Variants in INPP4A observed in about 807,000 individuals in gnomAD.
INPP4A encodes inositol polyphosphate-4-phosphatase type I A, also known as inositol polyphosphate-4-phosphatase, type I, 107kD.
A neutral mutation model predicts 119.8 loss-of-function variants in INPP4A; 33 were observed. The observed-to-expected ratio is 0.28, with a 90% confidence interval of 0.21 to 0.37. INPP4A has a LOEUF of 0.37. Among genes scored for constraint, INPP4A ranks in the 10% least tolerant of loss-of-function variants. The pLI, the probability that INPP4A is intolerant of heterozygous loss-of-function variation, is 1.00. For missense variants in INPP4A, 956 were observed against 1,289.9 expected, an observed-to-expected ratio of 0.74 and a Z score of 3.97; for synonymous variants, 496 against 500.7, an observed-to-expected ratio of 0.99 and a Z score of 0.12.
At chr2:98,556,644 G>A (rs1412150208) in intron 16 of INPP4A, among the ~76,000 whole-genome samples, 3 of 152,246 alleles carry the variant, frequency 2.0e-5, no homozygotes, top group Non-Finnish European at 2.9e-5. Flanking sequence ...AGTAGGTAAG[G>A]CCCAGATGTG....
chr2:98,543,990 A>G lies in INPP4A; in HGVS notation c.932A>G (p.Asp311Gly). ...CTCACATACCAGGAGAACCTGACCGACCTCCATCAGTACAGAGGTGGGTGC... is the reference window on the plus strand; with the variant it reads ...CTCACATACCAGGAGAACCTGACCGGCCTCCATCAGTACAGAGGTGGGTGC... Reference protein sequence around the residue: ...IILTYQENLTDLHQYRGPSFK... With the variant: ...IILTYQENLTGLHQYRGPSFK... Residue 311 changes from aspartate (D) to glycine (G), a missense_variant, in exon 11 of 25, where the codon GAC becomes GGC. Coordinates refer to ENST00000409851, the MANE Select transcript of INPP4A (RefSeq NM_001134225.2). The G allele has an allele frequency of 6.4e-7, 1 of 1,564,670 alleles. No homozygotes were observed. Among genetic ancestry groups the G allele is most frequent in the East Asian group, 2.4e-5 (1 of 42,020 alleles).
chr2:98,481,306 A>G (rs1469894301), intron 1 of INPP4A, among the ~76,000 whole-genome samples: 1 of 152,070 alleles, frequency 6.6e-6, no homozygotes, highest in Non-Finnish European at 1.5e-5. Flanking sequence ...TGGAGCAAGG[A>G]TGTCTTCCTC....
intron 1 of INPP4A, among the ~76,000 whole-genome samples, chr2:98,447,920 G>A (rs763240149): frequency 6.6e-6 from 1 of 151,900 alleles, no homozygotes; most frequent in African/African-American, 2.4e-5. Flanking sequence ...AGTGGTGGGC[G>A]CCTGTAGTCC....
chr2:98,453,250 A>G (rs900773229), intron 1 of INPP4A, among the ~76,000 whole-genome samples: 1 of 152,248 alleles, frequency 6.6e-6, no homozygotes, highest in African/African-American at 2.4e-5. Flanking sequence ...AGCTCTAACC[A>G]CATTAGCACT....
At chr2:98,474,866 T>C (rs1377294143) in intron 1 of INPP4A, among the ~76,000 whole-genome samples, 5 of 152,156 alleles carry the variant, frequency 3.3e-5, no homozygotes, top group Non-Finnish European at 7.3e-5. Context: ...TTTTAATTAA[T>C]CACTTAATAA....
chr2:98,470,227 C>G lies in INPP4A; in HGVS notation c.-166+25142C>G, dbSNP rs374183880. Among the ~76,000 whole-genome samples the G allele has an allele frequency of 3.3e-5, 5 of 152,224 alleles. No homozygotes were observed. The East Asian group carries it at 9.6e-4, about 29-fold the overall frequency. On this transcript the variant is annotated intron_variant, in intron 1 of 24. Coordinates refer to ENST00000409851, the MANE Select transcript of INPP4A (RefSeq NM_001134225.2). ...AGTGCTTGGCACTCAGAGTGTTTCCCTGTGGTCCTAGACTGGGGAGCGGCC... is the reference window on the plus strand; with the variant it reads ...AGTGCTTGGCACTCAGAGTGTTTCCGTGTGGTCCTAGACTGGGGAGCGGCC...
intron 17 of INPP4A, 138 bp downstream of exon 17, chr2:98,559,633 C>A: frequency 1.1e-6 from 1 of 909,886 alleles, no homozygotes; most frequent in Non-Finnish European, 1.7e-6. Flanking sequence ...CGTTGTGAGG[C>A]ATAAAACACT....
intron 1 of INPP4A, among the ~76,000 whole-genome samples, chr2:98,456,140 G>A (rs1304554402): frequency 6.6e-6 from 1 of 152,090 alleles, no homozygotes; most frequent in East Asian, 1.9e-4. Flanking sequence ...TCTCTTTCTG[G>A]CAGCTTTCTT....
chr2:98,584,195 T>A (rs1480332712), intron 24 of INPP4A, among the ~76,000 whole-genome samples: 1 of 152,262 alleles, frequency 6.6e-6, no homozygotes, highest in Non-Finnish European at 1.5e-5. Context: ...CCACTTTCCC[T>A]CTTTCACATT....
chr2:98,469,028 C>T (rs77206379), intron 1 of INPP4A, among the ~76,000 whole-genome samples: 2,328 of 152,244 alleles, frequency 0.015, 67 homozygotes, highest in African/African-American at 0.053. Context: ...TTTCCCCATC[C>T]TGGCTGTACC....
At chr2:98,484,053 C>G (rs1391147940) in intron 1 of INPP4A, among the ~76,000 whole-genome samples, 1 of 152,170 alleles carries the variant, frequency 6.6e-6, no homozygotes, top group Non-Finnish European at 1.5e-5. Context: ...TCTGCATGTC[C>G]TGTCTCTCTC....
At chr2:98,506,531 CAGAGACCTCT>C (rs1227343671) in intron 1 of INPP4A, among the ~76,000 whole-genome samples, 1 of 152,230 alleles carries the variant, frequency 6.6e-6, no homozygotes, top group Non-Finnish European at 1.5e-5. Context: ...TTTTTACCTA[CAGAGACCTCT>C]AGACAAGGTG....
intron 2 of INPP4A, 136 bp downstream of exon 2, chr2:98,519,161 T>C (rs1686700664): frequency 6.6e-6 from 1 of 152,260 alleles, no homozygotes; most frequent in Non-Finnish European, 1.5e-5. Context: ...ACTAGGCTTA[T>C]TGCTCAGTCT....
intron 1 of INPP4A, among the ~76,000 whole-genome samples, chr2:98,467,740 CATA>C (rs1391270317): frequency 2.0e-5 from 3 of 152,132 alleles, no homozygotes; most frequent in Non-Finnish European, 4.4e-5. Flanking sequence ...TTTCTTGCAC[CATA>C]ATAACGTTTT....
intron 24 of INPP4A, chr2:98,581,909 A>G (rs1190969634): frequency 8.0e-7 from 1 of 1,247,350 alleles, no homozygotes; most frequent in African/African-American, 1.5e-5. Flanking sequence ...TGTTCTTCTG[A>G]ACTGTAAATA....
intron 4 of INPP4A, chr2:98,521,810 C>T (rs1225073184): frequency 2.6e-5 from 4 of 151,498 alleles, no homozygotes; most frequent in African/African-American, 9.7e-5. Flanking sequence ...GTGGCACACG[C>T]ATGTATTGCC....
At chr2:98,488,496 T>C (rs995607597) in intron 1 of INPP4A, among the ~76,000 whole-genome samples, 1 of 152,240 alleles carries the variant, frequency 6.6e-6, no homozygotes, top group Admixed American at 6.5e-5. Flanking sequence ...TTCGGAGTTC[T>C]GTACCCGAAA....
intron 1 of INPP4A, among the ~76,000 whole-genome samples, chr2:98,456,301 A>G (rs1696128846): frequency 1.3e-5 from 2 of 152,212 alleles, no homozygotes; most frequent in Admixed American, 6.5e-5. Flanking sequence ...AACACGTTAC[A>G]GGGAGGTTGC....
intron 1 of INPP4A, among the ~76,000 whole-genome samples, chr2:98,514,843 C>G (rs1685795805): frequency 2.0e-5 from 3 of 151,960 alleles, no homozygotes; most frequent in Admixed American, 6.6e-5. Flanking sequence ...GGCTTGAGCC[C>G]AGGAGTTTGA....
Sources: allele counts gnomAD v4.1 joint callset (sites outside exome capture counted in the v4.1 genomes callset), GRCh38; gene constraint gnomAD v4.1.1; transcripts MANE v1.5; gene names NCBI Gene and HGNC (gene_info 2026-07-23, HGNC 2026-07-21).